REEP5: variants seen among roughly 807,000 people sequenced by gnomAD.
REEP5 encodes the protein receptor accessory protein 5, also known as receptor expression-enhancing protein 5.
A neutral mutation model predicts 22.4 loss-of-function variants in REEP5; 24 were observed. The observed-to-expected ratio is 1.07, with a 90% CI of 0.78 to 1.51. The LOEUF (loss-of-function observed/expected upper bound fraction) is 1.51. REEP5 is among the 40% of genes most tolerant of loss of function. The pLI, the probability that REEP5 is intolerant of heterozygous loss-of-function variation, is 0.00. For synonymous variants in REEP5, 103 were observed against 88.6 expected, an observed-to-expected ratio of 1.16 and a Z score of -0.92; for missense variants, 252 against 233.0, an observed-to-expected ratio of 1.08 and a Z score of -0.53.
chr5:112,878,855 G>C lies in REEP5; in HGVS notation c.521-20C>G, dbSNP rs6875646. ...TCTTCGCTGTTTGTTTGTTAGGAGGGAAAGAAAAATATATCAAAGCTCTTT... is the reference window on the plus strand; with the variant it reads ...TCTTCGCTGTTTGTTTGTTAGGAGGCAAAGAAAAATATATCAAAGCTCTTT... On this transcript the variant is annotated intron_variant, in intron 4 of 4. Transcript: ENST00000379638. 9,008 of 1,613,828 alleles carry C rather than the reference G, an allele frequency of 5.6e-3. 440 individuals carry two copies. In the African/African-American group the frequency reaches 0.11, roughly 19 times the overall value.
chr5:112,918,238 G>A (rs925213981), intron 2 of REEP5, among the ~76,000 whole-genome samples: 3 of 152,032 alleles, frequency 2.0e-5, no homozygotes, highest in East Asian at 1.9e-4. Flanking sequence ...TTATGCACAC[G>A]GAAAGAACAA....
intron 3 of REEP5, chr5:112,892,970 G>A (rs430665): frequency 0.35 from 554,851 of 1,588,792 alleles, 101,659 homozygotes; most frequent in African/African-American, 0.63. Context: ...CGGAGCCAGA[G>A]CCGCAGGAGC....
intron 2 of REEP5, among the ~76,000 whole-genome samples, chr5:112,916,743 T>C (rs900933736): frequency 6.6e-6 from 1 of 152,134 alleles, no homozygotes; most frequent in African/African-American, 2.4e-5. Context: ...AGCATGAAAT[T>C]TGGAGCCAGA....
At chr5:112,889,115 CTG>C (rs1460213963) in intron 3 of REEP5, among the ~76,000 whole-genome samples, 2 of 150,884 alleles carry the variant, frequency 1.3e-5, no homozygotes, top group Admixed American at 6.6e-5. Context: ...CCATGTGGAA[CTG>C]TGAGTCAATT....
intron 1 of REEP5, chr5:112,921,739 C>G (rs750619507): frequency 2.1e-5 from 5 of 240,382 alleles, no homozygotes; most frequent in Non-Finnish European, 4.0e-5. Flanking sequence ...CGCGCCCGCC[C>G]GCAGGGGCCC....
At chr5:112,902,285 G>T in intron 3 of REEP5, 95 bp downstream of exon 3, 1 of 1,268,278 alleles carries the variant, frequency 7.9e-7, no homozygotes, top group Non-Finnish European at 1.1e-6. Context: ...TATAATCTGA[G>T]ACAGAGCCAC....
chr5:112,885,554 C>G, intron 4 of REEP5: 1 of 246,702 alleles, frequency 4.1e-6, no homozygotes, highest in Admixed American at 4.2e-5. Context: ...CATCAACTAC[C>G]TTCCCAGTAT....
chr5:112,897,843 G>T (rs1283768031), intron 3 of REEP5: 1 of 152,182 alleles, frequency 6.6e-6, no homozygotes, highest in Non-Finnish European at 1.5e-5. Flanking sequence ...CAGATCACTT[G>T]AGGTCAGGAG....
At chr5:112,893,391 C>A (rs1768566448) in intron 3 of REEP5, 1 of 187,154 alleles carries the variant, frequency 5.3e-6, no homozygotes, top group South Asian at 1.0e-4. Context: ...GCCTGGGTGA[C>A]AGAGCGAGAC....
chr5:112,911,702 A>T (rs1769107571), intron 2 of REEP5, among the ~76,000 whole-genome samples: 1 of 152,206 alleles, frequency 6.6e-6, no homozygotes, highest in Non-Finnish European at 1.5e-5. Context: ...TTTCTTATGC[A>T]TAAGATTTAA....
At chr5:112,918,564 C>T (rs1769281850) in intron 2 of REEP5, among the ~76,000 whole-genome samples, 1 of 152,218 alleles carries the variant, frequency 6.6e-6, no homozygotes, top group Non-Finnish European at 1.5e-5. Flanking sequence ...AAGTAAATTA[C>T]TGGCAATAGT....
intron 3 of REEP5, chr5:112,891,767 TGA>T (rs770682390): frequency 5.6e-6 from 9 of 1,613,948 alleles, no homozygotes; most frequent in African/African-American, 1.3e-5. Flanking sequence ...CTTGCTCGAC[TGA>T]GAGACTCAGG....
intron 3 of REEP5, among the ~76,000 whole-genome samples, chr5:112,901,573 G>A (rs760431867): frequency 4.6e-5 from 7 of 152,148 alleles, no homozygotes; most frequent in Admixed American, 3.3e-4. Context: ...TTGACCAGGC[G>A]TGGTGGCACA....
rs142350525 is a variant in REEP5 at position 112,910,719 on chromosome 5, G to A, written c.213-8201C>T. Among the ~76,000 whole-genome samples the A allele has an allele frequency of 2.0e-5, 3 of 152,268 alleles. No homozygotes were observed. The East Asian group carries it at 5.8e-4, about 29-fold the overall frequency. On this transcript the variant is annotated intron_variant, in intron 2 of 4. Coordinates refer to ENST00000379638, the MANE Select transcript of REEP5 (RefSeq NM_005669.5). ...GTCACCAGCATGATCAGATTGTCAT[G>A]GTAACACTGCTGCTTCAAAAATCCT...
chr5:112,876,689 T>G lies in REEP5; in HGVS notation c.*2097A>C, dbSNP rs1031342604. On this transcript the variant is annotated 3_prime_UTR_variant, in exon 5 of 5. Coordinates refer to ENST00000379638, the MANE Select transcript of REEP5 (RefSeq NM_005669.5). ...TCTAGCCAGGCACAGGCTCAATTAG[T>G]TTTTCAAACTCTAGCCAAGGCAGTA... is the stretch of plus-strand genomic sequence containing the variant. The G allele has an allele frequency of 1.3e-5, 2 of 152,170 alleles. No individual in the cohort carries two copies. The highest frequency in any genetic ancestry group is 2.9e-5 in the Non-Finnish European group (2 of 68,016). 9.4% of individuals were successfully genotyped at this position (152,170 alleles called of 1,614,324 possible). A position where few individuals can be genotyped will look rare whatever the true frequency, so the allele number is the denominator to read the frequency against.
Position 112,876,452 on chromosome 5 carries a change from G to A in REEP5, c.*2334C>T, listed in dbSNP as rs1767897269. 1 of 152,124 alleles carries A rather than the reference G, an allele frequency of 6.6e-6. No homozygotes were observed. The highest frequency in any genetic ancestry group is 6.6e-5 in the Admixed American group (1 of 15,264). The allele number at this position is 152,124 out of a possible 1,614,324, so 9.4% of individuals were successfully genotyped here. A position where few individuals can be genotyped will look rare whatever the true frequency, so the allele number is the denominator to read the frequency against. On this transcript the variant is annotated 3_prime_UTR_variant, in exon 5 of 5. Transcript: ENST00000379638. ...TCAGTGTATCACATCTTCAGGATAG[G>A]TGATAACAGTGTGAAGGGTGTGCTC...
intron 4 of REEP5, among the ~76,000 whole-genome samples, chr5:112,881,159 A>G (rs1262612168): frequency 6.8e-6 from 1 of 147,486 alleles, no homozygotes; most frequent in African/African-American, 2.5e-5. Context: ...AAAGCTGGCA[A>G]TCCTAAAGTG....
At chr5:112,904,360 G>A (rs1768909547) in intron 2 of REEP5, among the ~76,000 whole-genome samples, 2 of 152,014 alleles carry the variant, frequency 1.3e-5, no homozygotes, top group South Asian at 4.2e-4. Flanking sequence ...GTATAGTATG[G>A]CTTATCCATA....
At chr5:112,897,526 TAATC>T (rs1768729244) in intron 3 of REEP5, 1 of 152,178 alleles carries the variant, frequency 6.6e-6, no homozygotes, top group Non-Finnish European at 1.5e-5. Flanking sequence ...GTAAATTTCA[TAATC>T]AAGAAAAAAA....
Sources: gnomAD v4.1 joint callset for allele counts (sites outside exome capture counted in the v4.1 genomes callset) on GRCh38, gnomAD v4.1.1 for gene constraint, MANE v1.5 for transcripts, NCBI Gene and HGNC (gene_info 2026-07-23, HGNC 2026-07-21) for gene names.